The following MYBL1 variants were observed in gnomAD, a reference collection of about 807,000 sequenced individuals.
MYBL1 encodes the protein MYB proto-oncogene like 1.
A neutral mutation model predicts 96.3 loss-of-function variants in MYBL1; 17 were observed. The observed-to-expected ratio is 0.18, with a 90% CI of 0.12 to 0.26. The LOEUF (loss-of-function observed/expected upper bound fraction) is 0.26. Ranked by LOEUF, MYBL1 falls within the 10% of genes least tolerant of loss-of-function variation. MYBL1 has a pLI of 1.00. For missense variants in MYBL1, 701 were observed against 882.9 expected (o/e 0.79, Z 2.61); for synonymous variants, 282 against 292.7 (o/e 0.96, Z 0.37).
At chr8:66,573,862 T>C (rs776624101) in intron 10 of MYBL1, among the ~76,000 whole-genome samples, 6 of 152,230 alleles carry the variant, frequency 3.9e-5, no homozygotes, top group Non-Finnish European at 7.3e-5. Context: ...GTAACAGTTT[T>C]GTACAACAGT....
chr8:66,605,663 A>G (rs1309908870), intron 1 of MYBL1, among the ~76,000 whole-genome samples: 8 of 151,990 alleles, frequency 5.3e-5, no homozygotes, highest in Admixed American at 1.3e-4. Flanking sequence ...TAAAAATACA[A>G]AAATTAGCGG....
At chr8:66,603,417 T>C (rs539059970) in intron 1 of MYBL1, among the ~76,000 whole-genome samples, 1 of 149,946 alleles carries the variant, frequency 6.7e-6, no homozygotes, top group Non-Finnish European at 1.5e-5. Context: ...ACATACAAGA[T>C]AAAGGTACAG....
At chr8:66,581,022 G>A (rs921071362) in intron 8 of MYBL1, among the ~76,000 whole-genome samples, 2 of 151,702 alleles carry the variant, frequency 1.3e-5, no homozygotes, top group East Asian at 3.9e-4. Context: ...CACCACACCC[G>A]GTTAATTTTT....
chr8:66,602,626 C>G, intron 1 of MYBL1, 103 bp from the exon 2 acceptor site: 1 of 536,354 alleles, frequency 1.9e-6, no homozygotes, highest in South Asian at 2.7e-5. Context: ...ATCATACAGA[C>G]TACAAGTCAT....
chr8:66,593,644 C>T (rs1409535036), intron 6 of MYBL1, among the ~76,000 whole-genome samples: 2 of 152,228 alleles, frequency 1.3e-5, no homozygotes, highest in East Asian at 3.9e-4. Context: ...TTATCACCAC[C>T]CCATGCCAAA....
Position 66,572,607 on chromosome 8 carries a change from AT to A in MYBL1, c.1614-12del. On this transcript the variant is annotated splice_polypyrimidine_tract_variant and intron_variant, in intron 11 of 15. Transcript: ENST00000522677. ...GTAGGTGTTCTAAACCTATCCAGTC[AT>A]TTAGATATTTATGTTATAGTCACGA... 1 of 1,289,650 alleles carries A rather than the reference AT, an allele frequency of 7.8e-7. No individual in the cohort carries two copies. The highest frequency in any genetic ancestry group is 1.4e-5 in the South Asian group (1 of 70,860). The allele number at this position is 1,289,650 out of a possible 1,614,324, so 79.9% of individuals were successfully genotyped here.
intron 5 of MYBL1, among the ~76,000 whole-genome samples, chr8:66,596,157 G>T (rs529621546): frequency 7.9e-5 from 12 of 152,190 alleles, no homozygotes; most frequent in African/African-American, 2.6e-4. Context: ...TTTTGGTTTG[G>T]TTAGAACAAA....
intron 8 of MYBL1, among the ~76,000 whole-genome samples, chr8:66,591,894 C>T (rs918863602): frequency 6.6e-6 from 1 of 151,978 alleles, no homozygotes; most frequent in Non-Finnish European, 1.5e-5. Context: ...TACTTTACAT[C>T]TGCTTTGCAT....
At chr8:66,608,607 A>T (rs1408137611) in intron 1 of MYBL1, among the ~76,000 whole-genome samples, 1 of 152,148 alleles carries the variant, frequency 6.6e-6, no homozygotes, top group Non-Finnish European at 1.5e-5. Context: ...TCACTGCACC[A>T]ATATCCCACT....
At chr8:66,590,523 G>A (rs1348195040) in intron 8 of MYBL1, among the ~76,000 whole-genome samples, 1 of 151,318 alleles carries the variant, frequency 6.6e-6, no homozygotes, top group East Asian at 1.9e-4. Flanking sequence ...TCAGGAGGCT[G>A]AGGCAGGAGA....
At chr8:66,589,075 G>A (rs1351259789) in intron 8 of MYBL1, among the ~76,000 whole-genome samples, 1 of 152,146 alleles carries the variant, frequency 6.6e-6, no homozygotes, top group Non-Finnish European at 1.5e-5. Flanking sequence ...ACTGGCTGCA[G>A]CAACTTCCCT....
intron 8 of MYBL1, among the ~76,000 whole-genome samples, chr8:66,585,514 G>C (rs1462763155): frequency 1.3e-5 from 2 of 152,144 alleles, no homozygotes; most frequent in African/African-American, 4.8e-5. Flanking sequence ...GCCGAGGCAG[G>C]CAGATCACTT....
intron 8 of MYBL1, among the ~76,000 whole-genome samples, chr8:66,580,758 G>T (rs1809174943): frequency 6.6e-6 from 1 of 151,914 alleles, no homozygotes; most frequent in Admixed American, 6.6e-5. Flanking sequence ...ATTCCCCAGT[G>T]AATTATATAC....
At chr8:66,604,802 G>A (rs577068539) in intron 1 of MYBL1, among the ~76,000 whole-genome samples, 1 of 152,272 alleles carries the variant, frequency 6.6e-6, no homozygotes, top group African/African-American at 2.4e-5. Flanking sequence ...CATGGAAGAA[G>A]GAGGAATTAA....
At chr8:66,599,573 G>A (rs779540490) in intron 3 of MYBL1, among the ~76,000 whole-genome samples, 1 of 152,108 alleles carries the variant, frequency 6.6e-6, no homozygotes, top group Non-Finnish European at 1.5e-5. Context: ...GGCCGAGGTG[G>A]GTGGATCACC....
At chr8:66,569,747 A>G (rs1462848910) in intron 12 of MYBL1, among the ~76,000 whole-genome samples, 7 of 152,222 alleles carry the variant, frequency 4.6e-5, no homozygotes, top group Non-Finnish European at 8.8e-5. Flanking sequence ...AAGACAGATT[A>G]ATTCATTCAC....
intron 5 of MYBL1, among the ~76,000 whole-genome samples, chr8:66,597,121 T>C (rs185465223): frequency 4.6e-5 from 7 of 152,270 alleles, no homozygotes; most frequent in African/African-American, 1.7e-4. Context: ...TACAAATTAT[T>C]GCCATAAAAT....
intron 9 of MYBL1, among the ~76,000 whole-genome samples, chr8:66,578,658 C>T (rs1269661528): frequency 4.6e-5 from 7 of 152,092 alleles, no homozygotes; most frequent in Non-Finnish European, 7.3e-5. Flanking sequence ...TCAACTATTG[C>T]GGAAGTCAGT....
chr8:66,580,103 C>A, intron 9 of MYBL1, 30 bp downstream of exon 9: 1 of 1,499,286 alleles, frequency 6.7e-7, no homozygotes, highest in South Asian at 1.2e-5. Flanking sequence ...TAAAATTGAA[C>A]TTTTGATAAT....
Sources: allele counts gnomAD v4.1 joint callset (sites outside exome capture counted in the v4.1 genomes callset), GRCh38; gene constraint gnomAD v4.1.1; transcripts MANE v1.5; gene names NCBI Gene and HGNC (gene_info 2026-07-23, HGNC 2026-07-21).